Variants in WDFY2 observed in about 807,000 individuals in gnomAD.
WDFY2 encodes WD repeat and FYVE domain containing 2.
A neutral mutation model predicts 56.4 loss-of-function variants in WDFY2; 36 were observed. That is an observed-to-expected ratio of 0.64 (90% CI 0.49 to 0.84). The LOEUF (loss-of-function observed/expected upper bound fraction) is 0.84. Among genes scored for constraint, WDFY2 ranks in the 40% least tolerant of loss-of-function variants. WDFY2 has a pLI of 0.00. For missense variants in WDFY2, 444 were observed against 512.2 expected (o/e 0.87, Z 1.29); for synonymous variants, 176 against 183.7 (o/e 0.96, Z 0.34).
intron 1 of WDFY2, among the ~76,000 whole-genome samples, chr13:51,622,265 A>G (rs1308489757): frequency 6.6e-6 from 1 of 151,968 alleles, no homozygotes; most frequent in African/African-American, 2.4e-5. Context: ...AGCAGTTGAC[A>G]TTCCTCTCTC....
chr13:51,641,387 A>G (rs553625083), intron 1 of WDFY2, among the ~76,000 whole-genome samples: 1 of 151,924 alleles, frequency 6.6e-6, no homozygotes, highest in Non-Finnish European at 1.5e-5. Flanking sequence ...GAGCATTTCT[A>G]GTCACCACTG....
chr13:51,708,053 C>A lies in WDFY2; in HGVS notation c.334+4403C>A, dbSNP rs758432730. On this transcript the variant is annotated intron_variant, in intron 4 of 11. Coordinates refer to ENST00000298125, the MANE Select transcript of WDFY2 (RefSeq NM_052950.4). ...GGGCACACCCCAGGTTCAAGTAGTT[C>A]TCCTGCCTCAGCCTCCCAACTAGCT... Among the ~76,000 whole-genome samples, 3 of 131,850 alleles carry A rather than the reference C, an allele frequency of 2.3e-5. No individual in the cohort carries two copies. In the Admixed American group the frequency reaches 2.7e-4, roughly 12 times the overall value. 86.5% of individuals were successfully genotyped at this position (131,850 alleles called of 152,430 possible). A position where few individuals can be genotyped will look rare whatever the true frequency, so the allele number is the denominator to read the frequency against.
intron 3 of WDFY2, among the ~76,000 whole-genome samples, chr13:51,696,972 G>C (rs1951889885): frequency 6.6e-6 from 1 of 152,062 alleles, no homozygotes; most frequent in African/African-American, 2.4e-5. Context: ...TATGCAAATA[G>C]ATAAGAAAAA....
At chr13:51,623,222 T>TAA (rs529941138) in intron 1 of WDFY2, among the ~76,000 whole-genome samples, 3 of 145,912 alleles carry the variant, frequency 2.1e-5, no homozygotes, top group Admixed American at 6.8e-5. Flanking sequence ...GTAATTTTTC[T>TAA]AAAAAAAAAA....
At chr13:51,746,556 G>T (rs1953109734) in intron 7 of WDFY2, among the ~76,000 whole-genome samples, 1 of 152,164 alleles carries the variant, frequency 6.6e-6, no homozygotes, top group Admixed American at 6.5e-5. Context: ...AAGTTGATTT[G>T]CCCAGTTATA....
chr13:51,731,810 A>T (rs1952728540), intron 6 of WDFY2, among the ~76,000 whole-genome samples: 2 of 152,176 alleles, frequency 1.3e-5, no homozygotes, highest in Non-Finnish European at 2.9e-5. Context: ...CATCACTCCA[A>T]ATCCAAACTC....
chr13:51,632,613 C>G (rs1014722762), intron 1 of WDFY2, among the ~76,000 whole-genome samples: 2 of 152,136 alleles, frequency 1.3e-5, no homozygotes, highest in African/African-American at 4.8e-5. Context: ...TTTTTACTTT[C>G]ATTTGCTATG....
At chr13:51,595,770 A>G (rs1262834533) in intron 1 of WDFY2, among the ~76,000 whole-genome samples, 1 of 152,238 alleles carries the variant, frequency 6.6e-6, no homozygotes, top group African/African-American at 2.4e-5. Flanking sequence ...GGGAGGAAGC[A>G]TATAGGTAAA....
At chr13:51,745,738 TAAAAAAAA>T (rs34880965) in intron 7 of WDFY2, among the ~76,000 whole-genome samples, 4 of 86,330 alleles carry the variant, frequency 4.6e-5, no homozygotes, top group African/African-American at 1.3e-4. Context: ...ATCCTTCATT[TAAAAAAAA>T]AAAAAAAAAA....
rs1361830687 is a variant in WDFY2 at position 51,656,418 on chromosome 13, A to G, written c.138-4178A>G. Among the ~76,000 whole-genome samples the G allele has an allele frequency of 6.6e-5, 10 of 152,130 alleles. No homozygotes were observed. The South Asian group carries it at 1.4e-3, about 22-fold the overall frequency. On this transcript the variant is annotated intron_variant, in intron 1 of 11. Transcript: ENST00000298125. ...TGTTTTACAGCCTAACAGCTGAGCA[A>G]TCCTAGAGAATGTTCCATGTGTACT...
chr13:51,744,868 C>CCT (rs1421069049), intron 7 of WDFY2, among the ~76,000 whole-genome samples: 1 of 152,142 alleles, frequency 6.6e-6, no homozygotes, highest in Non-Finnish European at 1.5e-5. Flanking sequence ...TGGGATGTTC[C>CCT]CTCACCTAGC....
At chr13:51,696,110 C>T (rs543670222) in intron 3 of WDFY2, among the ~76,000 whole-genome samples, 2 of 152,330 alleles carry the variant, frequency 1.3e-5, no homozygotes, top group African/African-American at 4.8e-5. Context: ...AAGGGAACTC[C>T]CTGACCCCTT....
intron 4 of WDFY2, among the ~76,000 whole-genome samples, chr13:51,706,279 G>T (rs1952080579): frequency 6.6e-6 from 1 of 152,124 alleles, no homozygotes; most frequent in East Asian, 1.9e-4. Context: ...ATTTCTATGA[G>T]CCAGAACCAA....
At chr13:51,740,439 G>C (rs982588401) in intron 7 of WDFY2, among the ~76,000 whole-genome samples, 35 of 152,322 alleles carry the variant, frequency 2.3e-4, no homozygotes, top group African/African-American at 7.9e-4. Context: ...GCCAGGGCCG[G>C]GTGCATTGGC....
intron 5 of WDFY2, among the ~76,000 whole-genome samples, chr13:51,725,885 G>C (rs943865544): frequency 3.3e-5 from 5 of 151,936 alleles, no homozygotes; most frequent in African/African-American, 4.8e-5. Context: ...GTAGAGATGA[G>C]GTCTCACTTT....
intron 1 of WDFY2, among the ~76,000 whole-genome samples, chr13:51,605,972 T>A (rs576315432): frequency 1.6e-4 from 24 of 152,266 alleles, no homozygotes; most frequent in African/African-American, 5.5e-4. Context: ...TCGCAGTTAG[T>A]CTCTACTCAC....
chr13:51,755,523 A>C, intron 9 of WDFY2, 64 bp downstream of exon 9: 1 of 1,521,478 alleles, frequency 6.6e-7, no homozygotes, highest in Non-Finnish European at 9.1e-7. Context: ...ATGTGATCTT[A>C]GAAGAAATAA....
intron 1 of WDFY2, among the ~76,000 whole-genome samples, chr13:51,613,274 T>A (rs1277485932): frequency 6.6e-6 from 1 of 152,124 alleles, no homozygotes. Flanking sequence ...TTACAGCATA[T>A]GCCCCCCATC....
At chr13:51,676,952 A>T (rs756141785) in intron 3 of WDFY2, among the ~76,000 whole-genome samples, 1 of 152,236 alleles carries the variant, frequency 6.6e-6, no homozygotes, top group Admixed American at 6.5e-5. Context: ...CTCACTGTCC[A>T]TGGAAAAACT....
Sources: gnomAD v4.1 joint callset for allele counts (sites outside exome capture counted in the v4.1 genomes callset) on GRCh38, gnomAD v4.1.1 for gene constraint, MANE v1.5 for transcripts, NCBI Gene and HGNC (gene_info 2026-07-23, HGNC 2026-07-21) for gene names.